PCDH9: variants seen among roughly 807,000 people sequenced by gnomAD.
The protein encoded by PCDH9 is protocadherin 9, also known as protocadherin-9.
Under a neutral mutation model 70.6 loss-of-function variants are expected in PCDH9, and 24 were observed. That is an observed-to-expected ratio of 0.34 (90% CI 0.25 to 0.48). The LOEUF is 0.48. Ranked by LOEUF, PCDH9 falls within the 20% of genes least tolerant of loss-of-function variation. PCDH9 has a pLI of 0.99. For missense variants in PCDH9, 1,281 were observed against 1,503.6 expected (o/e 0.85, Z 2.45); for synonymous variants, 562 against 558.5 (o/e 1.01, Z -0.09).
intron 4 of PCDH9, among the ~76,000 whole-genome samples, chr13:66,463,763 C>T (rs1027183128): frequency 3.8e-4 from 58 of 151,630 alleles, no homozygotes; most frequent in African/African-American, 1.4e-3. Context: ...TGCTCAGACA[C>T]AGAAATATCA....
At chr13:66,313,645 A>T (rs1593783660) in intron 4 of PCDH9, among the ~76,000 whole-genome samples, 1 of 152,304 alleles carries the variant, frequency 6.6e-6, no homozygotes, top group East Asian at 1.9e-4. Flanking sequence ...TTCCTATTCC[A>T]GGGATATTTA....
intron 2 of PCDH9, among the ~76,000 whole-genome samples, chr13:67,005,669 T>C (rs1323843338): frequency 1.3e-5 from 2 of 152,348 alleles, no homozygotes; most frequent in African/African-American, 2.4e-5. Flanking sequence ...GCATACATTT[T>C]AAATATCTTC....
chr13:66,359,086 AG>A (rs1956428470), intron 4 of PCDH9, among the ~76,000 whole-genome samples: 1 of 152,036 alleles, frequency 6.6e-6, no homozygotes, highest in East Asian at 1.9e-4. Context: ...CATAAGAGTA[AG>A]GTGAAACATA....
At chr13:66,634,956 T>G (rs576215432) in intron 3 of PCDH9, among the ~76,000 whole-genome samples, 46 of 152,286 alleles carry the variant, frequency 3.0e-4, no homozygotes, top group African/African-American at 1.0e-3. Flanking sequence ...AATACATGTT[T>G]TCTTCCTGGA....
chr13:66,336,277 T>C (rs1370688414), intron 4 of PCDH9, among the ~76,000 whole-genome samples: 1 of 151,930 alleles, frequency 6.6e-6, no homozygotes, highest in Non-Finnish European at 1.5e-5. Flanking sequence ...TTTTTTAATT[T>C]ACAAAATCCA....
intron 4 of PCDH9, among the ~76,000 whole-genome samples, chr13:66,450,841 C>T (rs1958192549): frequency 6.6e-6 from 1 of 152,132 alleles, no homozygotes; most frequent in Admixed American, 6.5e-5. Context: ...TGGTGAAACC[C>T]CTTCTCTACT....
chr13:67,187,229 G>T (rs2138503362), intron 2 of PCDH9, among the ~76,000 whole-genome samples: 2 of 152,266 alleles, frequency 1.3e-5, no homozygotes, highest in South Asian at 4.1e-4. Context: ...TCTCCAGGTT[G>T]CAGGATGCCT....
intron 4 of PCDH9, among the ~76,000 whole-genome samples, chr13:66,314,359 C>T (rs953963934): frequency 2.0e-5 from 3 of 152,174 alleles, no homozygotes; most frequent in Non-Finnish European, 2.9e-5. Context: ...GGGGGTAAGT[C>T]CAAGATCCAT....
intron 4 of PCDH9, among the ~76,000 whole-genome samples, chr13:66,582,442 G>T (rs2076905290): frequency 6.6e-6 from 1 of 152,066 alleles, no homozygotes; most frequent in East Asian, 1.9e-4. Context: ...ACACCAGCCT[G>T]GACAACATGG....
chr13:67,018,148 CAGCAAATACTAATTGCTA>C (rs1284259959), intron 2 of PCDH9, among the ~76,000 whole-genome samples: 2 of 152,104 alleles, frequency 1.3e-5, no homozygotes, highest in African/African-American at 4.8e-5. Context: ...CAAATTCATT[CAGCAAATACTAATTGCTA>C]ATTATGTGTG....
intron 3 of PCDH9, among the ~76,000 whole-genome samples, chr13:66,707,945 T>C (rs1323409258): frequency 6.6e-6 from 1 of 152,242 alleles, no homozygotes; most frequent in Admixed American, 6.5e-5. Flanking sequence ...AATTTTCATA[T>C]CAATTCTCAG....
intron 2 of PCDH9, among the ~76,000 whole-genome samples, chr13:67,188,640 G>T (rs2088824242): frequency 6.6e-6 from 1 of 151,982 alleles, no homozygotes; most frequent in Admixed American, 6.6e-5. Flanking sequence ...GCCCTGGAAA[G>T]CTTTTACTTT....
intron 3 of PCDH9, among the ~76,000 whole-genome samples, chr13:66,864,738 C>A (rs1259219356): frequency 6.6e-6 from 1 of 152,158 alleles, no homozygotes; most frequent in Non-Finnish European, 1.5e-5. Flanking sequence ...GACTGCACTG[C>A]TTGTTTGTTT....
chr13:66,632,408 T>A (rs1391033524), intron 3 of PCDH9, among the ~76,000 whole-genome samples: 1 of 152,226 alleles, frequency 6.6e-6, no homozygotes, highest in Non-Finnish European at 1.5e-5. Flanking sequence ...TTAGAAATTA[T>A]TCTTGACCAT....
At chr13:67,064,722 C>T (rs1460407118) in intron 2 of PCDH9, among the ~76,000 whole-genome samples, 1 of 152,070 alleles carries the variant, frequency 6.6e-6, no homozygotes, top group African/African-American at 2.4e-5. Context: ...CAGTTCTGGA[C>T]ATTCCCAAAA....
intron 2 of PCDH9, among the ~76,000 whole-genome samples, chr13:67,090,675 T>C (rs887641925): frequency 1.3e-5 from 2 of 151,204 alleles, no homozygotes; most frequent in Admixed American, 6.6e-5. Context: ...TGTTAAAGAA[T>C]AAAAATGAAA....
At chr13:67,062,945 G>A (rs1385233416) in intron 2 of PCDH9, among the ~76,000 whole-genome samples, 4 of 152,124 alleles carry the variant, frequency 2.6e-5, no homozygotes, top group Admixed American at 2.6e-4. Flanking sequence ...GTTAAAAAGT[G>A]CTAAGCAGAG....
chr13:67,023,067 C>T (rs1222005193), intron 2 of PCDH9, among the ~76,000 whole-genome samples: 1 of 152,178 alleles, frequency 6.6e-6, no homozygotes, highest in Non-Finnish European at 1.5e-5. Flanking sequence ...TACTTCCAAC[C>T]AACCACTTTT....
At chr13:66,790,231 AACC>A (rs1428298992) in intron 3 of PCDH9, among the ~76,000 whole-genome samples, 5 of 152,058 alleles carry the variant, frequency 3.3e-5, no homozygotes, top group Non-Finnish European at 7.4e-5. Flanking sequence ...TATAGTTGTA[AACC>A]TTTATGCTTT....
Sources: gnomAD v4.1 joint callset for allele counts (sites outside exome capture counted in the v4.1 genomes callset) on GRCh38, gnomAD v4.1.1 for gene constraint, MANE v1.5 for transcripts, NCBI Gene and HGNC (gene_info 2026-07-23, HGNC 2026-07-21) for gene names.